CSMD1: variants seen among roughly 807,000 people sequenced by gnomAD.
The protein encoded by CSMD1 is CUB and sushi domain-containing protein 1.
A neutral mutation model predicts 417.5 loss-of-function variants in CSMD1; 213 were observed. That is an observed-to-expected ratio of 0.51 (90% CI 0.46 to 0.57). The LOEUF (loss-of-function observed/expected upper bound fraction) is 0.57, where lower values mean the gene tolerates loss of function less well. CSMD1 is among the 20% of genes least tolerant of loss of function. CSMD1 has a pLI of 0.00. For synonymous variants in CSMD1, 2,862 were observed against 1,736.8 expected (o/e 1.65, Z -16.11); for missense variants, 6,923 against 4,529.7 (o/e 1.53, Z -15.17).
At chr8:4,308,285 G>T (rs1042002232) in intron 3 of CSMD1, among the ~76,000 whole-genome samples, 1 of 151,970 alleles carries the variant, frequency 6.6e-6, no homozygotes, top group Admixed American at 6.6e-5. Flanking sequence ...ATAGTTGATG[G>T]TGTGTGTGAA....
At chr8:4,035,381 G>T (rs565498316) in intron 3 of CSMD1, among the ~76,000 whole-genome samples, 1 of 152,076 alleles carries the variant, frequency 6.6e-6, no homozygotes, top group Non-Finnish European at 1.5e-5. Context: ...TTCAGAGTGT[G>T]CTTCTTCTAC....
intron 3 of CSMD1, among the ~76,000 whole-genome samples, chr8:4,291,683 T>G (rs1797375268): frequency 6.6e-6 from 1 of 152,216 alleles, no homozygotes; most frequent in Non-Finnish European, 1.5e-5. Flanking sequence ...TACAAAATTC[T>G]TTATTCAACG....
chr8:3,984,222 T>G (rs1814135189), intron 5 of CSMD1, among the ~76,000 whole-genome samples: 1 of 137,668 alleles, frequency 7.3e-6, no homozygotes, highest in Non-Finnish European at 1.6e-5. Context: ...ACCTGCACAG[T>G]GAAGCCATCC....
intron 49 of CSMD1, among the ~76,000 whole-genome samples, chr8:3,074,763 T>A (rs571582795): frequency 6.6e-6 from 1 of 152,266 alleles, no homozygotes. Context: ...GGCATTTTAT[T>A]ATAATTTTTG....
intron 17 of CSMD1, among the ~76,000 whole-genome samples, chr8:3,395,986 C>T (rs774696223): frequency 6.6e-5 from 10 of 152,090 alleles, no homozygotes; most frequent in African/African-American, 9.7e-5. Context: ...GCGATGGATA[C>T]GTATTTTTGA....
chr8:3,642,937 T>G (rs557125840), intron 7 of CSMD1, among the ~76,000 whole-genome samples: 1 of 151,640 alleles, frequency 6.6e-6, no homozygotes, highest in South Asian at 2.1e-4. Flanking sequence ...AAACCACTAA[T>G]AGTTAAAATA....
intron 5 of CSMD1, among the ~76,000 whole-genome samples, chr8:3,976,781 T>C (rs1813467226): frequency 6.6e-6 from 1 of 152,176 alleles, no homozygotes; most frequent in African/African-American, 2.4e-5. Flanking sequence ...TTCTTCAGGC[T>C]GAATGCTGCT....
intron 1 of CSMD1, among the ~76,000 whole-genome samples, chr8:4,855,883 G>A (rs1289846559): frequency 6.7e-6 from 1 of 150,064 alleles, no homozygotes; most frequent in African/African-American, 2.5e-5. Context: ...AGCAAGGCAG[G>A]CCAACGTTCA....
chr8:4,080,942 G>T (rs1046866664), intron 3 of CSMD1, among the ~76,000 whole-genome samples: 1 of 152,148 alleles, frequency 6.6e-6, no homozygotes, highest in Non-Finnish European at 1.5e-5. Context: ...AGGCTCTGGG[G>T]ACTCTACCCT....
In CSMD1 at chr8:3,865,846, C is replaced by T. The variant is rs7840606; in HGVS notation, c.819-111804G>A. Among the ~76,000 whole-genome samples, 502 of 152,194 alleles carry T rather than the reference C, an allele frequency of 3.3e-3. 2 individuals are homozygous for T. Among genetic ancestry groups the T allele is most frequent in the African/African-American group, 9.9e-3 (411 of 41,512 alleles). ...CCCTTCTCACATTGCTCCATTTGAG[C>T]TGGAAACACGTGTTATAGTATACTA... On this transcript the variant is annotated intron_variant, in intron 5 of 69. Transcript: ENST00000635120.
chr8:3,225,407 T>G (rs1585709853), intron 27 of CSMD1, among the ~76,000 whole-genome samples: 1 of 150,440 alleles, frequency 6.6e-6, no homozygotes, highest in Non-Finnish European at 1.5e-5. Context: ...TTTTTTTTAA[T>G]GAATTTGAAT....
chr8:3,771,894 C>T (rs1331340195), intron 5 of CSMD1, among the ~76,000 whole-genome samples: 3 of 151,920 alleles, frequency 2.0e-5, no homozygotes, highest in Non-Finnish European at 4.4e-5. Context: ...CTGATCTGAC[C>T]CAGATATGAG....
At chr8:4,497,893 T>C (rs779231264) in intron 2 of CSMD1, among the ~76,000 whole-genome samples, 1 of 152,144 alleles carries the variant, frequency 6.6e-6, no homozygotes, top group Non-Finnish European at 1.5e-5. Context: ...CTGTTGGCGT[T>C]TGAATGCATG....
chr8:4,933,246 G>A (rs970839435), intron 1 of CSMD1, among the ~76,000 whole-genome samples: 1 of 151,622 alleles, frequency 6.6e-6, no homozygotes, highest in East Asian at 1.9e-4. Flanking sequence ...ATGATATGAC[G>A]GCACTAGTAA....
At chr8:3,941,040 T>C (rs531099467) in intron 5 of CSMD1, among the ~76,000 whole-genome samples, 90 of 152,034 alleles carry the variant, frequency 5.9e-4, no homozygotes, top group Non-Finnish European at 1.2e-3. Context: ...GATAATTCAA[T>C]ACATTCATAT....
Position 4,732,774 on chromosome 8 carries a change from T to C in CSMD1, c.86-95216A>G, listed in dbSNP as rs1809986539. ...CTAAGCAGGCATTTTATAGCTCTAATTGTGCCCAAATCCTCCAGGATTTAG... is the reference window on the plus strand; with the variant it reads ...CTAAGCAGGCATTTTATAGCTCTAACTGTGCCCAAATCCTCCAGGATTTAG... On this transcript the variant is annotated intron_variant, in intron 1 of 69. Coordinates refer to ENST00000635120, the MANE Select transcript of CSMD1 (RefSeq NM_033225.6). Among the ~76,000 whole-genome samples the C allele has an allele frequency of 3.3e-5, 5 of 152,336 alleles. No individual in the cohort carries two copies. In the South Asian group the frequency reaches 6.2e-4, roughly 19 times the overall value.
At chr8:4,814,311 A>T (rs532820346) in intron 1 of CSMD1, among the ~76,000 whole-genome samples, 79 of 152,096 alleles carry the variant, frequency 5.2e-4, no homozygotes, top group African/African-American at 1.8e-3. Context: ...AATGGCACAA[A>T]CTCAGTTCAC....
intron 1 of CSMD1, among the ~76,000 whole-genome samples, chr8:4,857,951 G>C (rs1801898523): frequency 6.6e-6 from 1 of 151,952 alleles, no homozygotes; most frequent in Non-Finnish European, 1.5e-5. Context: ...GCCAGGCAGA[G>C]ACACAACCAA....
chr8:4,418,845 C>T (rs190012803), intron 3 of CSMD1, among the ~76,000 whole-genome samples: 1 of 152,136 alleles, frequency 6.6e-6, no homozygotes, highest in African/African-American at 2.4e-5. Context: ...CTGACGCTGG[C>T]TTATGCACAA....
Sources: gnomAD v4.1 joint callset for allele counts (sites outside exome capture counted in the v4.1 genomes callset) on GRCh38, gnomAD v4.1.1 for gene constraint, MANE v1.5 for transcripts, NCBI Gene and HGNC (gene_info 2026-07-23, HGNC 2026-07-21) for gene names.